Variants in QTGAL observed in about 807,000 individuals in gnomAD.
QTGAL encodes queuosine-tRNA galactosyltransferase, also known as BGnT-like protein 1.
At chr17:82,985,826 C>T in the QTGAL span, among the ~76,000 whole-genome samples, 3 of 151,634 alleles carry the variant, frequency 2.0e-5, no homozygotes, top group South Asian at 6.3e-4. Context: ...TTCCATTTCC[C>T]TGCCCCGTGA....
At chr17:82,942,910 G>C in the QTGAL span, 1 of 209,102 alleles carries the variant, frequency 4.8e-6, no homozygotes, top group African/African-American at 2.3e-5. Flanking sequence ...TGTTAAATCA[G>C]AGGTTCAAAT....
chr17:82,956,700 T>C, the QTGAL span: 1 of 1,580,196 alleles, frequency 6.3e-7, no homozygotes, highest in Middle Eastern at 1.7e-4. This position sits in a 1 kb window ranked among gnomAD's most constrained non-coding sequence, Gnocchi z 5.7. Flanking sequence ...CTCACCAGCT[T>C]CACGCAGATG....
chr17:82,978,047 G>A, the QTGAL span, among the ~76,000 whole-genome samples: 2 of 152,166 alleles, frequency 1.3e-5, no homozygotes, highest in South Asian at 4.1e-4. This position sits in a 1 kb window ranked among gnomAD's most constrained non-coding sequence, Gnocchi z 4.8. Flanking sequence ...CTCTGGTTAC[G>A]TGGAGGGCAT....
chr17:83,026,164 G>A, the QTGAL span, among the ~76,000 whole-genome samples: 1 of 152,222 alleles, frequency 6.6e-6, no homozygotes, highest in Non-Finnish European at 1.5e-5. Context: ...CTTTGCTCCT[G>A]CTCAGCCAGC....
chr17:82,968,916 C>T, the QTGAL span, among the ~76,000 whole-genome samples: 59 of 151,852 alleles, frequency 3.9e-4, no homozygotes, highest in East Asian at 7.8e-4. Flanking sequence ...GGCGGATCAC[C>T]TGAGGTCAGA....
chr17:83,040,243 G>A, the QTGAL span, among the ~76,000 whole-genome samples: 30,884 of 152,130 alleles, frequency 0.2, 3,296 homozygotes, highest in Non-Finnish European at 0.24. Flanking sequence ...ATTCTAACGT[G>A]CACAAAGTTG....
At chr17:82,961,029 G>A in the QTGAL span, 53 of 1,595,574 alleles carry the variant, frequency 3.3e-5, no homozygotes, top group Admixed American at 1.4e-4. Context: ...CCTCTCAGGC[G>A]TCCCGGGGCC....
chr17:82,949,864 A>C, the QTGAL span: 3 of 152,336 alleles, frequency 2.0e-5, no homozygotes, highest in African/African-American at 7.2e-5. Flanking sequence ...ATAATGGATG[A>C]AATTAGGCTA....
the QTGAL span, among the ~76,000 whole-genome samples, chr17:82,996,742 T>C: frequency 6.6e-6 from 1 of 152,076 alleles, no homozygotes; most frequent in Non-Finnish European, 1.5e-5. Context: ...GATAAATCAA[T>C]ATATCTACAG....
At chr17:82,965,597 G>A in the QTGAL span, 6 of 1,495,728 alleles carry the variant, frequency 4.0e-6, no homozygotes, top group East Asian at 1.4e-4. Context: ...CCCACACACA[G>A]AGACAGGGCC....
At chr17:82,984,780 C>A in the QTGAL span, among the ~76,000 whole-genome samples, 17 of 152,248 alleles carry the variant, frequency 1.1e-4, no homozygotes, top group African/African-American at 3.9e-4. Context: ...CAGGGATCCC[C>A]CCAGGAGACG....
At chr17:83,006,488 G>C in the QTGAL span, 3 of 985,100 alleles carry the variant, frequency 3.0e-6, no homozygotes, top group East Asian at 1.1e-4. This position sits in a 1 kb window ranked among gnomAD's most constrained non-coding sequence, Gnocchi z 5.8. Context: ...GTAACATCAC[G>C]AGGACCCAAG....
the QTGAL span, among the ~76,000 whole-genome samples, chr17:82,986,136 A>G: frequency 6.6e-6 from 1 of 152,222 alleles, no homozygotes; most frequent in Non-Finnish European, 1.5e-5. Context: ...CTTCCCAGCC[A>G]GGAAGCTGCA....
chr17:82,946,177 A>G, the QTGAL span, among the ~76,000 whole-genome samples: 1 of 152,192 alleles, frequency 6.6e-6, no homozygotes, highest in Non-Finnish European at 1.5e-5. Context: ...AATAAAAAAT[A>G]CACTATCAAA....
At chr17:83,023,840 A>G in the QTGAL span, among the ~76,000 whole-genome samples, 6 of 152,350 alleles carry the variant, frequency 3.9e-5, no homozygotes, top group African/African-American at 1.4e-4. Context: ...AGATGGGCCG[A>G]TGCTTCTGTA....
chr17:82,994,942 T>C, the QTGAL span, among the ~76,000 whole-genome samples: 1 of 152,220 alleles, frequency 6.6e-6, no homozygotes, highest in Non-Finnish European at 1.5e-5. Flanking sequence ...AAAAACCATA[T>C]GATCAATTCA....
the QTGAL span, among the ~76,000 whole-genome samples, chr17:83,002,811 G>A: frequency 6.6e-6 from 1 of 152,174 alleles, no homozygotes; most frequent in African/African-American, 2.4e-5. Flanking sequence ...CGGAGACGCT[G>A]AAACACTAGC....
chr17:83,013,404 A>C, the QTGAL span, among the ~76,000 whole-genome samples: 2 of 50,342 alleles, frequency 4.0e-5, no homozygotes, highest in Non-Finnish European at 7.3e-5. Flanking sequence ...CTCCCCCTCA[A>C]TGCTGCCCCC....
the QTGAL span, among the ~76,000 whole-genome samples, chr17:82,998,120 T>C: frequency 2.0e-5 from 3 of 151,920 alleles, no homozygotes; most frequent in Non-Finnish European, 4.4e-5. Context: ...TATAGTTGTA[T>C]TGTTTGTAAC....
Sources: allele counts gnomAD v4.1 joint callset (sites outside exome capture counted in the v4.1 genomes callset), GRCh38; gene constraint gnomAD v4.1.1; non-coding constraint Gnocchi (gnomAD v3.1); transcripts MANE v1.5; gene names NCBI Gene and HGNC (gene_info 2026-07-23, HGNC 2026-07-21).